R3HDM2: variants seen among roughly 807,000 people sequenced by gnomAD.
R3HDM2 encodes the protein R3H domain containing 2, also known as R3H domain-containing protein 2.
In R3HDM2, 38 loss-of-function variants were observed where a neutral mutation model predicts 124.5. The observed-to-expected ratio is 0.31, with a 90% confidence interval of 0.24 to 0.40. The LOEUF (loss-of-function observed/expected upper bound fraction) is 0.40, where lower values mean the gene tolerates loss of function less well. R3HDM2 is among the 10% of genes least tolerant of loss of function. The probability of loss-of-function intolerance (pLI) is 1.00; values close to 1 mark genes in which losing one functional copy is unlikely to be tolerated. For synonymous variants in R3HDM2, 391 were observed against 448.0 expected, an observed-to-expected ratio of 0.87 and a Z score of 1.61; for missense variants, 869 against 1,236.9, an observed-to-expected ratio of 0.70 and a Z score of 4.46.
At chr12:57,332,677 G>A (rs969447974) in intron 2 of R3HDM2, among the ~76,000 whole-genome samples, 10 of 152,130 alleles carry the variant, frequency 6.6e-5, no homozygotes, top group African/African-American at 2.4e-4. Flanking sequence ...TGAATCTAAC[G>A]TGATACTTTT....
chr12:57,258,199 G>A (rs1317711239), intron 20 of R3HDM2, 62 bp from the exon 21 acceptor site: 35 of 1,317,542 alleles, frequency 2.7e-5, no homozygotes, highest in Non-Finnish European at 3.3e-5. Context: ...ATATTCCTAT[G>A]GCTTGGCTTA....
intron 12 of R3HDM2, among the ~76,000 whole-genome samples, chr12:57,285,174 A>C (rs1000424457): frequency 1.3e-5 from 2 of 152,226 alleles, no homozygotes; most frequent in Admixed American, 1.3e-4. Context: ...AGGAAACCCC[A>C]TTCCAATCCC....
chr12:57,281,420 A>G (rs7397991), intron 13 of R3HDM2, among the ~76,000 whole-genome samples: 137,688 of 152,186 alleles, frequency 0.9, 63,717 homozygotes, highest in East Asian at 1. Context: ...CTATGTGCCA[A>G]GCACTGTATA....
At chr12:57,256,312 G>T in intron 22 of R3HDM2, 102 bp downstream of exon 22, 1 of 1,068,276 alleles carries the variant, frequency 9.4e-7, no homozygotes, top group Non-Finnish European at 1.4e-6. Flanking sequence ...TGTTCATTCT[G>T]TGTTATTTCC....
intron 1 of R3HDM2, among the ~76,000 whole-genome samples, chr12:57,420,511 C>T (rs2070087604): frequency 6.7e-6 from 1 of 149,870 alleles, no homozygotes; most frequent in African/African-American, 2.5e-5. Flanking sequence ...ACACACTTTA[C>T]TGGTTTTCTT....
At chr12:57,299,296 G>A in intron 6 of R3HDM2, 56 bp downstream of exon 6, 1 of 1,488,198 alleles carries the variant, frequency 6.7e-7, no homozygotes, top group South Asian at 1.2e-5. Context: ...CAGGCTTCAG[G>A]ATAAAAGTAA....
intron 19 of R3HDM2, among the ~76,000 whole-genome samples, chr12:57,260,109 C>T (rs1004864545): frequency 1.3e-5 from 2 of 151,172 alleles, no homozygotes; most frequent in Admixed American, 1.3e-4. Context: ...ACAGAAAATA[C>T]AAAAATGAGC....
At chr12:57,352,326 A>G (rs2060774912) in intron 2 of R3HDM2, among the ~76,000 whole-genome samples, 1 of 151,930 alleles carries the variant, frequency 6.6e-6, no homozygotes, top group African/African-American at 2.4e-5. Flanking sequence ...GGTATAAATA[A>G]CCCAAACAAA....
At chr12:57,309,891 C>G (rs945756299) in intron 3 of R3HDM2, among the ~76,000 whole-genome samples, 2 of 152,152 alleles carry the variant, frequency 1.3e-5, no homozygotes, top group African/African-American at 2.4e-5. Flanking sequence ...GTGACTGATT[C>G]TTACACATCT....
chr12:57,363,437 A>T (rs1228723334), intron 2 of R3HDM2, among the ~76,000 whole-genome samples: 1 of 152,184 alleles, frequency 6.6e-6, no homozygotes, highest in Admixed American at 6.5e-5. Context: ...TAAGTGTAGG[A>T]GGAATGGGGT....
intron 2 of R3HDM2, among the ~76,000 whole-genome samples, chr12:57,382,790 C>T (rs1457411561): frequency 6.6e-6 from 1 of 151,760 alleles, no homozygotes; most frequent in Non-Finnish European, 1.5e-5. Flanking sequence ...GAGCTGAGAT[C>T]ATGCCACTGC....
At chr12:57,308,559 G>A (rs1035599496) in intron 3 of R3HDM2, among the ~76,000 whole-genome samples, 13 of 151,794 alleles carry the variant, frequency 8.6e-5, no homozygotes, top group South Asian at 2.1e-4. Flanking sequence ...CGTGGCGGGC[G>A]CCTGTAATCC....
intron 18 of R3HDM2, 179 bp downstream of exon 18, chr12:57,268,124 G>A: frequency 1.9e-6 from 1 of 532,294 alleles, no homozygotes; most frequent in Non-Finnish European, 3.0e-6. Context: ...TAACCTCTTA[G>A]GCACATGTCA....
At chr12:57,337,896 A>G (rs1162172050) in intron 2 of R3HDM2, among the ~76,000 whole-genome samples, 12 of 152,334 alleles carry the variant, frequency 7.9e-5, no homozygotes, top group Middle Eastern at 6.8e-3. Context: ...CATCACAATT[A>G]TTTGAATTTA....
chr12:57,256,326 G>A, intron 22 of R3HDM2, 88 bp downstream of exon 22: 1 of 1,164,270 alleles, frequency 8.6e-7, no homozygotes, highest in Non-Finnish European at 1.2e-6. Flanking sequence ...TATTTCCCTT[G>A]TATACCCAGC....
At chr12:57,409,961 T>C (rs536361214) in intron 1 of R3HDM2, among the ~76,000 whole-genome samples, 1 of 152,296 alleles carries the variant, frequency 6.6e-6, no homozygotes, top group East Asian at 1.9e-4. Flanking sequence ...TATGTAGATT[T>C]GTTTTTCAAT....
At chr12:57,351,586 A>G (rs1477012479) in intron 2 of R3HDM2, among the ~76,000 whole-genome samples, 1 of 152,218 alleles carries the variant, frequency 6.6e-6, no homozygotes, top group East Asian at 1.9e-4. Flanking sequence ...TTCTCTAGGT[A>G]AAGCACAAAA....
intron 10 of R3HDM2, 123 bp downstream of exon 10, chr12:57,295,276 G>A: frequency 1.4e-6 from 1 of 694,176 alleles, no homozygotes; most frequent in Non-Finnish European, 2.5e-6. Flanking sequence ...ACTCCGTATA[G>A]CTCAATACAT....
intron 2 of R3HDM2, among the ~76,000 whole-genome samples, chr12:57,362,707 C>T (rs1015044860): frequency 2.0e-5 from 3 of 152,172 alleles, no homozygotes; most frequent in Admixed American, 1.3e-4. Flanking sequence ...ACGTTATAAA[C>T]CCCACAGAAG....
Sources: gnomAD v4.1 joint callset for allele counts (sites outside exome capture counted in the v4.1 genomes callset) on GRCh38, gnomAD v4.1.1 for gene constraint, MANE v1.5 for transcripts, NCBI Gene and HGNC (gene_info 2026-07-23, HGNC 2026-07-21) for gene names.